The following DCC variants were observed in gnomAD, a reference collection of about 807,000 sequenced individuals.
DCC encodes the protein netrin receptor DCC.
Under a neutral mutation model 172.5 loss-of-function variants are expected in DCC, and 58 were observed. That is an observed-to-expected ratio of 0.34 (90% CI 0.27 to 0.42). The LOEUF is 0.42. Ranked by LOEUF, DCC falls within the 10% of genes least tolerant of loss-of-function variation. The probability of loss-of-function intolerance (pLI) is 1.00; values close to 1 mark genes in which losing one functional copy is unlikely to be tolerated. For missense variants in DCC, 1,740 were observed against 1,791.0 expected, an observed-to-expected ratio of 0.97 and a Z score of 0.51; for synonymous variants, 709 against 644.5, an observed-to-expected ratio of 1.10 and a Z score of -1.52.
At chr18:52,767,426 C>G (rs75744077) in intron 2 of DCC, among the ~76,000 whole-genome samples, 1 of 152,056 alleles carries the variant, frequency 6.6e-6, no homozygotes. Context: ...CTCCAGGCAG[C>G]CTTTAACATA....
chr18:52,622,291 G>A (rs1303996607), intron 1 of DCC, among the ~76,000 whole-genome samples: 1 of 152,168 alleles, frequency 6.6e-6, no homozygotes, highest in Non-Finnish European at 1.5e-5. Context: ...ACAGCTAAGA[G>A]GCATAGAAGT....
chr18:52,446,930 T>G (rs1434762233), intron 1 of DCC, among the ~76,000 whole-genome samples: 2 of 152,242 alleles, frequency 1.3e-5, no homozygotes, highest in African/African-American at 4.8e-5. Context: ...AATTGATTGA[T>G]TTTTATGTTA....
At chr18:52,351,774 A>ATCCTT (rs1233149304) in intron 1 of DCC, among the ~76,000 whole-genome samples, 2 of 152,138 alleles carry the variant, frequency 1.3e-5, no homozygotes, top group East Asian at 3.8e-4. Context: ...TCTCAATATG[A>ATCCTT]TCCTTTTCTA....
chr18:52,590,824 A>G (rs2033782885), intron 1 of DCC, among the ~76,000 whole-genome samples: 1 of 152,252 alleles, frequency 6.6e-6, no homozygotes, highest in Non-Finnish European at 1.5e-5. Flanking sequence ...AGTCTTTACC[A>G]TCTCTGGGTG....
At chr18:53,154,805 G>T (rs117276949) in intron 7 of DCC, among the ~76,000 whole-genome samples, 2,677 of 152,264 alleles carry the variant, frequency 0.018, 33 homozygotes, top group Middle Eastern at 0.051. Context: ...AGCAGGCTGA[G>T]GGGGAGGGAG....
chr18:52,551,085 T>C (rs890001104), intron 1 of DCC, among the ~76,000 whole-genome samples: 2 of 151,928 alleles, frequency 1.3e-5, no homozygotes, highest in African/African-American at 2.4e-5. Context: ...GTCTACAGCA[T>C]AAAACAAGGT....
At chr18:53,082,352 T>A (rs1265558142) in intron 7 of DCC, among the ~76,000 whole-genome samples, 2 of 152,158 alleles carry the variant, frequency 1.3e-5, no homozygotes, top group African/African-American at 4.8e-5. Context: ...GGATTAAAAC[T>A]TAATTTTTCA....
intron 27 of DCC, among the ~76,000 whole-genome samples, chr18:53,510,540 AGAG>A (rs759537666): frequency 5.3e-5 from 8 of 152,222 alleles, no homozygotes; most frequent in Non-Finnish European, 1.0e-4. Context: ...AGAGTGCTAA[AGAG>A]GAGTTGAGAG....
chr18:52,953,264 T>A (rs1464222114), intron 5 of DCC, among the ~76,000 whole-genome samples: 1 of 152,152 alleles, frequency 6.6e-6, no homozygotes, highest in Non-Finnish European at 1.5e-5. Context: ...AGATAACAAG[T>A]CTTACCAAGA....
chr18:53,045,607 G>A (rs1018402415), intron 5 of DCC, among the ~76,000 whole-genome samples: 1 of 151,748 alleles, frequency 6.6e-6, no homozygotes, highest in Non-Finnish European at 1.5e-5. Flanking sequence ...GTGCAAGACC[G>A]ATGGCAGGGA....
chr18:52,966,454 C>T (rs922726125), intron 5 of DCC, among the ~76,000 whole-genome samples: 1 of 152,150 alleles, frequency 6.6e-6, no homozygotes, highest in African/African-American at 2.4e-5. Flanking sequence ...CCTACTTTGT[C>T]CATCTCTGCT....
chr18:52,628,781 G>C (rs1272677431), intron 1 of DCC, among the ~76,000 whole-genome samples: 1 of 152,192 alleles, frequency 6.6e-6, no homozygotes, highest in Non-Finnish European at 1.5e-5. Context: ...CTTTGGAAGA[G>C]CTGGCCTGAG....
Position 53,185,829 on chromosome 18 carries a change from G to T in DCC, c.1573+6713G>T, listed in dbSNP as rs140551398. ...AGATTTCATCTCCCTGAACAAAATT[G>T]TTCAGTTTTGTTCAAAACAAAAAAG... On this transcript the variant is annotated intron_variant, in intron 9 of 28. Transcript: ENST00000442544. Among the ~76,000 whole-genome samples the T allele has an allele frequency of 1.5e-3, 235 of 152,192 alleles. 1 individual carries two copies. Among genetic ancestry groups the T allele is most frequent in the Admixed American group, 2.4e-3 (37 of 15,282 alleles).
chr18:53,325,895 T>C (rs1447285858), intron 14 of DCC, among the ~76,000 whole-genome samples: 1 of 152,164 alleles, frequency 6.6e-6, no homozygotes, highest in African/African-American at 2.4e-5. Flanking sequence ...TAAAAACACG[T>C]AGAACTTGAA....
chr18:52,804,149 A>G (rs745718784), intron 2 of DCC, among the ~76,000 whole-genome samples: 12 of 152,224 alleles, frequency 7.9e-5, no homozygotes, highest in Non-Finnish European at 1.6e-4. Flanking sequence ...TTTAAATGGC[A>G]CCACTAAAAC....
At chr18:52,412,309 T>C (rs565781565) in intron 1 of DCC, among the ~76,000 whole-genome samples, 1 of 152,268 alleles carries the variant, frequency 6.6e-6, no homozygotes, top group East Asian at 1.9e-4. Context: ...ATGACTATCA[T>C]GGTTAATGTA....
At chr18:53,147,952 G>C (rs1010105504) in intron 7 of DCC, among the ~76,000 whole-genome samples, 7 of 152,164 alleles carry the variant, frequency 4.6e-5, no homozygotes, top group Admixed American at 6.5e-5. Context: ...CATTACTAAA[G>C]AGAGTAGCTT....
intron 1 of DCC, among the ~76,000 whole-genome samples, chr18:52,746,608 A>C (rs1323891700): frequency 6.6e-6 from 1 of 152,222 alleles, no homozygotes; most frequent in Non-Finnish European, 1.5e-5. Context: ...ACTGAGAAGA[A>C]TATGATAAAG....
chr18:53,322,039 T>A lies in DCC; in HGVS notation c.2054-8T>A, dbSNP rs769879902. The A allele has an allele frequency of 2.6e-6, 4 of 1,549,176 alleles. No homozygotes were observed. ...CTTTCTTCCCCCCTGTGGAAAATTCTTTCATAGGACTGGAGAAAGGAAGTC... is the reference window on the plus strand; with the variant it reads ...CTTTCTTCCCCCCTGTGGAAAATTCATTCATAGGACTGGAGAAAGGAAGTC... On this transcript the variant is annotated splice_region_variant and splice_polypyrimidine_tract_variant and intron_variant, in intron 13 of 28. Transcript: ENST00000442544.
Sources: allele counts gnomAD v4.1 joint callset (sites outside exome capture counted in the v4.1 genomes callset), GRCh38; gene constraint gnomAD v4.1.1; transcripts MANE v1.5; gene names NCBI Gene and HGNC (gene_info 2026-07-23, HGNC 2026-07-21).